FRMD1: variants seen among roughly 807,000 people sequenced by gnomAD.
FRMD1 encodes the protein FERM domain-containing protein 1.
In FRMD1, 51 loss-of-function variants were observed where a neutral mutation model predicts 54.9. The ratio of observed to expected loss-of-function variants is 0.93; its 90% CI spans 0.74 to 1.17. The LOEUF is 1.17. FRMD1 is among the 50% of genes most tolerant of loss of function. FRMD1 has a pLI of 0.00. For synonymous variants in FRMD1, 324 were observed against 306.4 expected, an observed-to-expected ratio of 1.06 and a Z score of -0.60; for missense variants, 729 against 743.0, an observed-to-expected ratio of 0.98 and a Z score of 0.22.
At chr6:168,081,075 C>A (rs1005903340), upstream of FRMD1, among the ~76,000 whole-genome samples, 1 of 152,308 alleles carries the variant, frequency 6.6e-6, no homozygotes, top group Non-Finnish European at 1.5e-5. Context: ...GTCTCAGGGC[C>A]ACACCGTTGA....
intron 1 of FRMD1, among the ~76,000 whole-genome samples, chr6:168,091,513 T>C (rs1036408697): frequency 1.3e-5 from 2 of 152,142 alleles, no homozygotes; most frequent in Non-Finnish European, 2.9e-5. Flanking sequence ...GCAGGATGGC[T>C]CAGGTTGGAT....
In FRMD1 at chr6:168,053,812, T is replaced by G. The variant is rs143818866; in HGVS notation, c.*3285A>C. On this transcript the variant is annotated 3_prime_UTR_variant, in exon 11 of 11. Transcript: ENST00000283309. ...CTTGGGAACCACCTCTCCTGTGAGATCCCAGACACACAGGCAGTTGCTGGC... is the reference window on the plus strand; with the variant it reads ...CTTGGGAACCACCTCTCCTGTGAGAGCCCAGACACACAGGCAGTTGCTGGC... 5.3e-5 allele frequency: 8 copies of G among 152,344 alleles called. No homozygotes were observed. In the East Asian group the frequency reaches 1.5e-3, roughly 29 times the overall value. The allele number at this position is 152,344 out of a possible 1,614,324, so 9.4% of individuals were successfully genotyped here. A position where few individuals can be genotyped will look rare whatever the true frequency, so the allele number is the denominator to read the frequency against.
At chr6:168,075,863 TTCCGGTGCCCGGTGTCC>T in intron 1 of FRMD1, 1 of 1,411,764 alleles carries the variant, frequency 7.1e-7, no homozygotes, top group South Asian at 1.3e-5. Flanking sequence ...GTGTCCACAT[TTCCGGTGCCCGGTGTCC>T]ACATTTCCGG....
At chr6:168,077,220 T>G (rs1380658344) in intron 1 of FRMD1, among the ~76,000 whole-genome samples, 2 of 151,604 alleles carry the variant, frequency 1.3e-5, no homozygotes, top group East Asian at 3.9e-4. Context: ...GACACAGATG[T>G]GTGCACACCT....
At chr6:168,074,903 GT>G (rs1800506882) in intron 2 of FRMD1, among the ~76,000 whole-genome samples, 1 of 151,620 alleles carries the variant, frequency 6.6e-6, no homozygotes, top group Non-Finnish European at 1.5e-5. Flanking sequence ...GTGCATGTGT[GT>G]GCTGCATGCA....
At chr6:168,067,747 G>GT (rs1270697439) in intron 2 of FRMD1, among the ~76,000 whole-genome samples, 1 of 152,226 alleles carries the variant, frequency 6.6e-6, no homozygotes, top group African/African-American at 2.4e-5. Context: ...TTAGCAACAT[G>GT]TATCCCTACC....
At chr6:168,073,294 C>T (rs1023046545) in intron 2 of FRMD1, among the ~76,000 whole-genome samples, 1 of 152,116 alleles carries the variant, frequency 6.6e-6, no homozygotes. Flanking sequence ...CTCCAGCTCT[C>T]CCTGCTCCCC....
chr6:168,060,974 T>G lies in FRMD1; in HGVS notation c.1129A>C (p.Ser377Arg). The G allele has an allele frequency of 6.2e-7, 1 of 1,612,990 alleles. No homozygotes were observed. The highest frequency in any genetic ancestry group is 8.5e-7 in the Non-Finnish European group (1 of 1,179,956). Residue 377 changes from serine to arginine, a missense_variant, in exon 9 of 11, where the codon AGC becomes CGC. Transcript: ENST00000283309. ...ASRSFPGSGV[S>R]SQHCPHCLSR... ...AGGCAGTGGGGGCAGTGCTGGCTGC[T>G]GACCCCACTGCCCGGGAAGCTCCTG... is the stretch of plus-strand genomic sequence containing the variant.
intron 1 of FRMD1, among the ~76,000 whole-genome samples, chr6:168,078,051 A>G (rs946208328): frequency 6.6e-6 from 1 of 152,216 alleles, no homozygotes; most frequent in Non-Finnish European, 1.5e-5. Flanking sequence ...CTAGCAAGTC[A>G]TACTCCATTC....
chr6:168,079,557 A>G (rs1048219702), upstream of FRMD1, among the ~76,000 whole-genome samples: 6 of 152,172 alleles, frequency 3.9e-5, no homozygotes, highest in Non-Finnish European at 7.4e-5. Context: ...GCAGGGCAGG[A>G]CGAGGAGGGC....
rs1799885040 is a variant in FRMD1, at chr6:168,063,745, CTT to C, written c.658_659del (p.Lys220GlufsTer4). On this transcript the variant is annotated frameshift_variant, in exon 6 of 11. Transcript: ENST00000283309. LOFTEE classifies it high-confidence loss of function. ...HSYFPQWIIT[K>X]RGIDYILRHM... ...GCCGGAGGATGTAGTCAATCCCCCT[CTT>C]GGTGATGATCTGAGGACAGAGCCGG... is the stretch of plus-strand genomic sequence containing the variant. 6.2e-7 allele frequency: 1 copy of C among 1,612,594 alleles called. No individual in the cohort carries two copies. Among genetic ancestry groups the C allele is most frequent in the African/African-American group, 1.3e-5 (1 of 75,016 alleles).
chr6:168,064,918 C>G lies in FRMD1; in HGVS notation c.601G>C (p.Ala201Pro), dbSNP rs143883642. Residue 201 changes from alanine to proline, a missense_variant, in exon 5 of 11, where the codon GCC becomes CCC. Coordinates refer to ENST00000283309, the MANE Select transcript of FRMD1 (RefSeq NM_024919.6). ...QADLGEHRESAHAGRYFEPHS... is the reference protein window; with the variant it reads ...QADLGEHRESPHAGRYFEPHS... ...GGCTCGAAGTACCTCCCGGCATGGG[C>G]CGACTCCCGGTGCTCGCCCAGGTCA... The G allele has an allele frequency of 2.2e-5, 36 of 1,602,338 alleles. No homozygotes were observed. The highest frequency in any genetic ancestry group is 4.0e-5 in the African/African-American group (3 of 74,710).
At chr6:168,080,177 T>A (rs1800786790), upstream of FRMD1, among the ~76,000 whole-genome samples, 1 of 152,082 alleles carries the variant, frequency 6.6e-6, no homozygotes, top group Admixed American at 6.5e-5. Flanking sequence ...TTTAGGAAAT[T>A]CGCACTCCAG....
At chr6:168,090,218 C>T (rs1800993388) in intron 1 of FRMD1, among the ~76,000 whole-genome samples, 1 of 152,128 alleles carries the variant, frequency 6.6e-6, no homozygotes, top group Non-Finnish European at 1.5e-5. Flanking sequence ...ATTCTTGTCC[C>T]TCTGCCCCCC....
upstream of FRMD1, among the ~76,000 whole-genome samples, chr6:168,079,806 C>T (rs1057039106): frequency 3.3e-5 from 5 of 152,212 alleles, no homozygotes; most frequent in African/African-American, 4.8e-5. Context: ...GGACAGCAGC[C>T]GGGTGCATCA....
At chr6:168,061,754 G>C in intron 8 of FRMD1, 53 bp downstream of exon 8, 1 of 1,492,244 alleles carries the variant, frequency 6.7e-7, no homozygotes, top group Admixed American at 2.0e-5. Context: ...GCCCAGCCTA[G>C]CCCAGAAGGC....
upstream of FRMD1, among the ~76,000 whole-genome samples, chr6:168,086,295 C>G (rs576099997): frequency 1.9e-4 from 29 of 149,706 alleles, no homozygotes; most frequent in Non-Finnish European, 2.8e-4. Context: ...GGACACTGCC[C>G]ACGTTCCAGC....
At chr6:168,070,707 G>A (rs961877537) in intron 2 of FRMD1, among the ~76,000 whole-genome samples, 3 of 152,228 alleles carry the variant, frequency 2.0e-5, no homozygotes, top group African/African-American at 7.2e-5. Context: ...TCTGTAGAGA[G>A]AAATGGGATC....
At position 168,075,357 on chromosome 6, in the gene FRMD1, G is replaced by A. The variant is rs781488922; in HGVS notation, c.214-22C>T. 8 of 1,601,114 alleles carry A rather than the reference G, an allele frequency of 5.0e-6. No individual in the cohort carries two copies. The East Asian group carries it at 1.6e-4, about 31-fold the overall frequency. ...TCACCTGCAAAAGAGGTGGGGAGGG[G>A]TTCAGGGAGGGGCCGGCACCTGTCC... is the stretch of plus-strand genomic sequence containing the variant. On this transcript the variant is annotated intron_variant, in intron 1 of 10. Transcript: ENST00000283309.
Sources: allele counts gnomAD v4.1 joint callset (sites outside exome capture counted in the v4.1 genomes callset), GRCh38; gene constraint gnomAD v4.1.1; transcripts MANE v1.5; gene names NCBI Gene and HGNC (gene_info 2026-07-23, HGNC 2026-07-21).